The following UGT3A1 variants were observed in gnomAD, a reference collection of about 807,000 sequenced individuals.
UGT3A1 encodes the protein UDP-glycosyltransferase 3A1.
In UGT3A1, 40 loss-of-function variants were observed where a neutral mutation model predicts 37.6. That is an observed-to-expected ratio of 1.06 (90% CI 0.83 to 1.38). The LOEUF is 1.38. Ranked by LOEUF, UGT3A1 falls within the 40% of genes most tolerant of loss-of-function variation. The pLI, the probability that UGT3A1 is intolerant of heterozygous loss-of-function variation, is 0.00. For synonymous variants in UGT3A1, 256 were observed against 232.3 expected, an observed-to-expected ratio of 1.10 and a Z score of -0.93; for missense variants, 642 against 634.2, an observed-to-expected ratio of 1.01 and a Z score of -0.13.
chr5:35,986,216 C>G (rs1218028941), intron 2 of UGT3A1, among the ~76,000 whole-genome samples: 1 of 151,916 alleles, frequency 6.6e-6, no homozygotes, highest in Non-Finnish European at 1.5e-5. Context: ...AAAGGGGAAC[C>G]CTCATACACT....
intron 1 of UGT3A1, among the ~76,000 whole-genome samples, chr5:35,997,691 C>G (rs4616926): frequency 1.2e-3 from 185 of 152,286 alleles, no homozygotes; most frequent in African/African-American, 4.0e-3. Flanking sequence ...TCCCAAAGTG[C>G]TGGGATTACA....
chr5:35,961,348 G>C (rs1739575230), intron 4 of UGT3A1: 1 of 152,318 alleles, frequency 6.6e-6, no homozygotes, highest in South Asian at 2.1e-4. Context: ...CGAGGCTCCG[G>C]TTGCCTGACC....
intron 4 of UGT3A1, among the ~76,000 whole-genome samples, chr5:35,963,211 T>C (rs561906727): frequency 1.3e-5 from 2 of 152,330 alleles, no homozygotes; most frequent in African/African-American, 4.8e-5. Context: ...TCCCTGGGCC[T>C]CATTTATGCC....
upstream of UGT3A1, chr5:35,991,730 G>T: frequency 1.3e-6 from 1 of 787,578 alleles, no homozygotes; most frequent in Non-Finnish European, 1.5e-6. Context: ...CCAGAAACCT[G>T]CTGAAAATCT....
intron 2 of UGT3A1, among the ~76,000 whole-genome samples, chr5:35,977,078 GAAAGAAAGAA>G (rs1273079449): frequency 2.1e-5 from 2 of 97,510 alleles, no homozygotes; most frequent in East Asian, 5.2e-4. Flanking sequence ...AGAAAGAAAA[GAAAGAAAGAA>G]AGAGAAAGAA....
chr5:35,993,094 C>G (rs188605537), upstream of UGT3A1, among the ~76,000 whole-genome samples: 1 of 152,214 alleles, frequency 6.6e-6, no homozygotes, highest in East Asian at 1.9e-4. Flanking sequence ...CCAATTTTGT[C>G]TATGTTATCT....
At chr5:35,956,851 A>C (rs541307087) in intron 5 of UGT3A1, among the ~76,000 whole-genome samples, 4 of 152,198 alleles carry the variant, frequency 2.6e-5, no homozygotes, top group African/African-American at 9.6e-5. Flanking sequence ...TGGAGTTTAC[A>C]TATTATCTTA....
chr5:35,985,102 C>A, intron 2 of UGT3A1, among the ~76,000 whole-genome samples: 5 of 102,252 alleles, frequency 4.9e-5, no homozygotes, highest in African/African-American at 7.0e-5. Flanking sequence ...AAAAGAAATT[C>A]CATTTATAAT....
chr5:35,984,027 A>G (rs774645946), intron 2 of UGT3A1, among the ~76,000 whole-genome samples: 9 of 152,214 alleles, frequency 5.9e-5, no homozygotes, highest in Non-Finnish European at 1.2e-4. Flanking sequence ...ACTTTTATTC[A>G]ACATCATAGT....
chr5:35,965,377 T>C lies in UGT3A1; in HGVS notation c.843+9A>G. Reference sequence around the variant, plus strand: ...TGAATCCCAAACTGAATGCTGAGGGTTCACTTACTTGTGGTACTGGTTTAA... The same window carrying C: ...TGAATCCCAAACTGAATGCTGAGGGCTCACTTACTTGTGGTACTGGTTTAA... On this transcript the variant is annotated intron_variant, in intron 4 of 6. Coordinates refer to ENST00000274278, the MANE Select transcript of UGT3A1 (RefSeq NM_152404.4). 5 of 1,611,274 alleles carry C rather than the reference T, an allele frequency of 3.1e-6. No individual in the cohort carries two copies. Among genetic ancestry groups the C allele is most frequent in the Non-Finnish European group, 4.2e-6 (5 of 1,178,122 alleles).
At chr5:35,980,095 C>T (rs544332076) in intron 2 of UGT3A1, among the ~76,000 whole-genome samples, 6 of 152,120 alleles carry the variant, frequency 3.9e-5, no homozygotes, top group Non-Finnish European at 8.8e-5. Flanking sequence ...CAGACTGTGC[C>T]CAGCTTCAAA....
chr5:35,954,423 G>A lies in UGT3A1; in HGVS notation c.1351C>T (p.Pro451Ser), dbSNP rs531887719. The A allele has an allele frequency of 4.2e-5, 68 of 1,614,208 alleles. No homozygotes were observed. The highest frequency in any genetic ancestry group is 2.5e-6 in the Non-Finnish European group (3 of 1,180,042). ...SVILHSQPLS[P>S]AQRLVGWIDH... is the part of the protein sequence containing the mutation. ...ATCCAGCCCACCAGCCGCTGTGCGG[G>A]GCTCAGGGGCTGAGAGTGCAGGATG... is the stretch of plus-strand genomic sequence containing the variant. The change falls in exon 7 of 7, where the codon CCC becomes TCC. Residue 451 changes from proline (P) to serine (S), a missense_variant. Transcript: ENST00000274278.
At chr5:35,960,775 T>G (rs1739549887) in intron 4 of UGT3A1, 1 of 152,012 alleles carries the variant, frequency 6.6e-6, no homozygotes, top group African/African-American at 2.4e-5. Context: ...TGTGGGGGTT[T>G]TATTGAGTGG....
intron 1 of UGT3A1, among the ~76,000 whole-genome samples, chr5:35,999,360 C>A (rs914446560): frequency 1.3e-5 from 2 of 152,060 alleles, no homozygotes; most frequent in East Asian, 3.8e-4. Flanking sequence ...ATCAGGGTAA[C>A]CAATTGGCTG....
chr5:35,977,189 G>A (rs1286346230), intron 2 of UGT3A1, among the ~76,000 whole-genome samples: 4 of 152,172 alleles, frequency 2.6e-5, no homozygotes, highest in East Asian at 1.9e-4. Context: ...TACACAAAAC[G>A]GTCATAGCAG....
intron 5 of UGT3A1, 75 bp downstream of exon 5, chr5:35,957,113 G>T: frequency 7.7e-7 from 1 of 1,291,482 alleles, no homozygotes; most frequent in Non-Finnish European, 1.1e-6. Context: ...CAAATGCCCA[G>T]CTAGAGGTCA....
chr5:35,956,502 A>G (rs1287921235), intron 5 of UGT3A1, among the ~76,000 whole-genome samples: 1 of 152,254 alleles, frequency 6.6e-6, no homozygotes, highest in South Asian at 2.1e-4. Context: ...ACTTTGAGCC[A>G]TAAACTTAGT....
At chr5:36,000,078 T>G (rs1394774597) in intron 1 of UGT3A1, among the ~76,000 whole-genome samples, 1 of 152,180 alleles carries the variant, frequency 6.6e-6, no homozygotes, top group Non-Finnish European at 1.5e-5. Flanking sequence ...TCAGGCCTGG[T>G]GGAGAGGCCC....
chr5:35,996,714 G>A (rs772510712), intron 2 of UGT3A1, among the ~76,000 whole-genome samples: 1 of 152,174 alleles, frequency 6.6e-6, no homozygotes, highest in Non-Finnish European at 1.5e-5. Flanking sequence ...TCCTGACAAT[G>A]TACCACAATT....
Sources: gnomAD v4.1 joint callset for allele counts (sites outside exome capture counted in the v4.1 genomes callset) on GRCh38, gnomAD v4.1.1 for gene constraint, MANE v1.5 for transcripts, NCBI Gene and HGNC (gene_info 2026-07-23, HGNC 2026-07-21) for gene names.